Variants in ASB13 observed in about 807,000 individuals in gnomAD.
ASB13 encodes the protein ankyrin repeat and SOCS box protein 13.
A neutral mutation model predicts 28.8 loss-of-function variants in ASB13; 33 were observed. The observed-to-expected ratio is 1.15, with a 90% CI of 0.87 to 1.53. The LOEUF is 1.53. Ranked by LOEUF, ASB13 falls within the 40% of genes most tolerant of loss-of-function variation. The pLI, the probability that ASB13 is intolerant of heterozygous loss-of-function variation, is 0.00. For synonymous variants in ASB13, 182 were observed against 172.9 expected, an observed-to-expected ratio of 1.05 and a Z score of -0.41; for missense variants, 414 against 390.1, an observed-to-expected ratio of 1.06 and a Z score of -0.52.
chr10:5,648,904 AG>A, intron 4 of ASB13, 65 bp downstream of exon 4: 1 of 1,586,428 alleles, frequency 6.3e-7, no homozygotes, highest in Non-Finnish European at 8.6e-7. Context: ...ACACCCACGC[AG>A]GTAAACACCC....
chr10:5,652,796 C>G lies in ASB13; in HGVS notation c.231+67G>C. ...ATCCTCCCCTCTTTCCCAAGTTCTC[C>G]TGAGTCAACCTCCTCCATTCTGGCA... is the stretch of plus-strand genomic sequence containing the variant. On this transcript the variant is annotated intron_variant, in intron 2 of 5. Coordinates refer to ENST00000357700, the MANE Select transcript of ASB13 (RefSeq NM_024701.4). This position sits in a 1 kb window ranked among gnomAD's most constrained non-coding sequence, Gnocchi z 5.0. The G allele has an allele frequency of 7.0e-7, 1 of 1,438,160 alleles. No individual in the cohort carries two copies. The highest frequency in any genetic ancestry group is 9.2e-7 in the Non-Finnish European group (1 of 1,089,280). 89.1% of individuals were successfully genotyped at this position (1,438,160 alleles called of 1,614,324 possible).
rs920205695 is a variant in ASB13 at position 5,639,718 on chromosome 10, T to C, written c.*985A>G. On this transcript the variant is annotated 3_prime_UTR_variant, in exon 6 of 6. Transcript: ENST00000357700. ...AGCACTGGGACAATGCTGGATGTGA[T>C]AGATGGTCTTACTAATTTGATAGCT... The C allele has an allele frequency of 6.5e-3, 5 of 774 alleles. No individual in the cohort carries two copies. Among genetic ancestry groups the C allele is most frequent in the African/African-American group, 0.011 (4 of 380 alleles). 0.0% of individuals were successfully genotyped at this position (774 alleles called of 1,614,324 possible).
chr10:5,652,026 C>CCACACACACACACACACACA lies in ASB13; in HGVS notation c.232-683_232-664dup, dbSNP rs5782851. ...CAAAAAAAAAAAAAAAAAAAAAAAACCACACACACACACACACACACACAC... is the reference window on the plus strand; with the variant it reads ...CAAAAAAAAAAAAAAAAAAAAAAAACCACACACACACACACACACACACACACACACACACACACACACAC... On this transcript the variant is annotated intron_variant, in intron 2 of 5. Transcript: ENST00000357700. This position sits in a 1 kb window ranked among gnomAD's most constrained non-coding sequence, Gnocchi z 5.0. Among the ~76,000 whole-genome samples, 1 of 59,156 alleles carries CCACACACACACACACACACA rather than the reference C, an allele frequency of 1.7e-5. No individual in the cohort carries two copies. Among genetic ancestry groups the CCACACACACACACACACACA allele is most frequent in the African/African-American group, 7.2e-5 (1 of 13,968 alleles). The allele number at this position is 59,156 out of a possible 152,430, so 38.8% of individuals were successfully genotyped here. A position where few individuals can be genotyped will look rare whatever the true frequency, so the allele number is the denominator to read the frequency against.
Position 5,645,383 on chromosome 10 carries a change from G to C in ASB13, c.518-3422C>G, listed in dbSNP as rs146044364. 4.6e-5 allele frequency among the ~76,000 whole-genome samples: 7 copies of C among 152,142 alleles called. No individual in the cohort carries two copies. The highest frequency in any genetic ancestry group is 7.3e-5 in the Non-Finnish European group (5 of 68,036). On this transcript the variant is annotated intron_variant, in intron 4 of 5. Coordinates refer to ENST00000357700, the MANE Select transcript of ASB13 (RefSeq NM_024701.4). The surrounding 1 kb of genome is among the most constrained non-coding windows in gnomAD (Gnocchi z 5.4). Reference sequence around the variant, plus strand: ...GGACCGTCCTCAGGGAGCCGCTTCCGAACACTCCTGGCAGAGTTCAACATT... The same window carrying C: ...GGACCGTCCTCAGGGAGCCGCTTCCCAACACTCCTGGCAGAGTTCAACATT...
In ASB13 at chr10:5,650,136, C is replaced by A. The variant is rs527495642; in HGVS notation, c.383-1032G>T. On this transcript the variant is annotated intron_variant, in intron 3 of 5. Coordinates refer to ENST00000357700, the MANE Select transcript of ASB13 (RefSeq NM_024701.4). This position sits in a 1 kb window ranked among gnomAD's most constrained non-coding sequence, Gnocchi z 6.0. ...TGACCTCTTGAGCCTCCCCTTCATACGAAATCCTATGGATTCCTTCCCCAA... is the reference window on the plus strand; with the variant it reads ...TGACCTCTTGAGCCTCCCCTTCATAAGAAATCCTATGGATTCCTTCCCCAA... Among the ~76,000 whole-genome samples, 2 of 152,112 alleles carry A rather than the reference C, an allele frequency of 1.3e-5. No individual in the cohort carries two copies. The highest frequency in any genetic ancestry group is 2.1e-4 in the South Asian group (1 of 4,830).
rs186972904 is a variant in ASB13, at chr10:5,659,957, G to C, written c.43+6552C>G. On this transcript the variant is annotated intron_variant, in intron 1 of 5. Transcript: ENST00000357700. The surrounding 1 kb of genome is among the most constrained non-coding windows in gnomAD (Gnocchi z 5.8). Reference sequence around the variant, plus strand: ...GCTTGCACACTCTGGCCAAGCGGGGGCTCGTGCATCCATTAAATGAAGAAC... The same window carrying C: ...GCTTGCACACTCTGGCCAAGCGGGGCCTCGTGCATCCATTAAATGAAGAAC... Among the ~76,000 whole-genome samples, 269 of 152,308 alleles carry C rather than the reference G, an allele frequency of 1.8e-3. 1 individual carries two copies. Among genetic ancestry groups the C allele is most frequent in the African/African-American group, 6.1e-3 (255 of 41,556 alleles).
chr10:5,651,331 CGG>C lies in ASB13; in HGVS notation c.262_263del (p.Pro88AlafsTer50). On this transcript the variant is annotated frameshift_variant, in exon 3 of 6. Transcript: ENST00000357700. LOFTEE classifies it high-confidence loss of function. The surrounding 1 kb of genome is among the most constrained non-coding windows in gnomAD (Gnocchi z 5.1). Reference protein sequence around the residue: ...VDARNIDGSTPLCDACASGSI... With the variant: ...VDARNIDGSTXLCDACASGSI... ...TGCCCGAGGCGCAGGCATCGCAGAG[CGG>C]GGTGCTGCCGTCGATGTTGCGAGCA... 1 of 1,612,792 alleles carries C rather than the reference CGG, an allele frequency of 6.2e-7. No individual in the cohort carries two copies. The highest frequency in any genetic ancestry group is 8.5e-7 in the Non-Finnish European group (1 of 1,179,444).
At chr10:5,666,406 C>T (rs1218159905) in intron 1 of ASB13, 103 bp downstream of exon 1, 17 of 1,056,968 alleles carry the variant, frequency 1.6e-5, no homozygotes, top group Non-Finnish European at 3.6e-6. Flanking sequence ...GGAGCCAGCG[C>T]GGGGCGCGCC....
intron 4 of ASB13, among the ~76,000 whole-genome samples, chr10:5,648,507 T>C (rs61832718): frequency 0.094 from 9,251 of 98,916 alleles, 823 homozygotes; most frequent in Non-Finnish European, 0.12. Flanking sequence ...CCCACTCGGG[T>C]AAACACCCAC....
At chr10:5,665,529 C>T (rs534689156) in intron 1 of ASB13, among the ~76,000 whole-genome samples, 2 of 152,148 alleles carry the variant, frequency 1.3e-5, no homozygotes, top group South Asian at 4.1e-4. Flanking sequence ...AAGCTTCTGC[C>T]GTTAGCTATT....
chr10:5,641,861 G>C lies in ASB13; in HGVS notation c.618C>G (p.Gly206=), dbSNP rs1418896795. The C allele has an allele frequency of 6.2e-7, 1 of 1,614,082 alleles. No homozygotes were observed. The highest frequency in any genetic ancestry group is 8.5e-7 in the Non-Finnish European group (1 of 1,179,994). The part of the protein sequence containing the change: ...DLIEMLIEFG[G]NIYARDNRGK... ...CGCGGTTGTCCCGGGCGTAGATGTT[G>C]CCGCCAAACTCGATAAGCATCTCGA... Residue 206 remains glycine (G), a synonymous_variant, in exon 5 of 6, where the codon GGC becomes GGG. Coordinates refer to ENST00000357700, the MANE Select transcript of ASB13 (RefSeq NM_024701.4). This position sits in a 1 kb window ranked among gnomAD's most constrained non-coding sequence, Gnocchi z 8.4.
At position 5,658,800 on chromosome 10, in the gene ASB13, A is replaced by G. The variant is rs1178637747; in HGVS notation, c.44-5750T>C. Reference sequence around the variant, plus strand: ...AGAGCATGGGGGGACTGTCACCCGCAGGCTGTCCTCATAGGAGATTTACAG... The same window carrying G: ...AGAGCATGGGGGGACTGTCACCCGCGGGCTGTCCTCATAGGAGATTTACAG... On this transcript the variant is annotated intron_variant, in intron 1 of 5. Transcript: ENST00000357700. The surrounding 1 kb of genome is among the most constrained non-coding windows in gnomAD (Gnocchi z 4.2). 6.6e-6 allele frequency among the ~76,000 whole-genome samples: 1 copy of G among 152,226 alleles called. No homozygotes were observed. Among genetic ancestry groups the G allele is most frequent in the African/African-American group, 2.4e-5 (1 of 41,456 alleles).
Position 5,649,257 on chromosome 10 carries a change from C to A in ASB13, c.383-153G>T, listed in dbSNP as rs1483691982. Among the ~76,000 whole-genome samples the A allele has an allele frequency of 6.6e-6, 1 of 152,190 alleles. No individual in the cohort carries two copies. The highest frequency in any genetic ancestry group is 2.4e-5 in the African/African-American group (1 of 41,446). ...TCCCAACCTAGGGAGGAGTTCATGA[C>A]CCGCATGGCCCTCAGGAAGCCAGGA... On this transcript the variant is annotated intron_variant, in intron 3 of 5. Transcript: ENST00000357700. This position sits in a 1 kb window ranked among gnomAD's most constrained non-coding sequence, Gnocchi z 6.4.
intron 1 of ASB13, among the ~76,000 whole-genome samples, chr10:5,654,907 G>GAGGTCA (rs1422622238): frequency 6.6e-6 from 1 of 152,068 alleles, no homozygotes; most frequent in Non-Finnish European, 1.5e-5. Flanking sequence ...AACCAGCCTG[G>GAGGTCA]CCAACATGGT....
chr10:5,651,405 C>A lies in ASB13; in HGVS notation c.232-42G>T. On this transcript the variant is annotated intron_variant, in intron 2 of 5. Transcript: ENST00000357700. This position sits in a 1 kb window ranked among gnomAD's most constrained non-coding sequence, Gnocchi z 5.1. ...ACAAGTGTCAAAGGGCAGAGAAATG[C>A]CACGCAACCCACTTTCCCATCCTGC... 6.6e-7 allele frequency: 1 copy of A among 1,518,520 alleles called. No homozygotes were observed. Among genetic ancestry groups the A allele is most frequent in the African/African-American group, 1.4e-5 (1 of 72,820 alleles). 94.1% of individuals were successfully genotyped at this position (1,518,520 alleles called of 1,614,324 possible).
rs551244575 is a variant in ASB13 at position 5,643,401 on chromosome 10, C to T, written c.518-1440G>A. Among the ~76,000 whole-genome samples, 6 of 152,290 alleles carry T rather than the reference C, an allele frequency of 3.9e-5. No individual in the cohort carries two copies. In the East Asian group the frequency reaches 9.6e-4, roughly 24 times the overall value. ...TAAGAACCATGCTCATAACAGCATT[C>T]GTGGAGGGATCCTAAGAACGCCCCA... is the stretch of plus-strand genomic sequence containing the variant. On this transcript the variant is annotated intron_variant, in intron 4 of 5. Coordinates refer to ENST00000357700, the MANE Select transcript of ASB13 (RefSeq NM_024701.4).
rs540897292 is a variant in ASB13, at chr10:5,660,280, C to T, written c.43+6229G>A. The stretch of plus-strand genomic sequence containing the variant: ...AACGTTCTCTCCACTCTTCCACCCA[C>T]GATACGACCTTACTGGCTAGGACCG... On this transcript the variant is annotated intron_variant, in intron 1 of 5. Transcript: ENST00000357700. This position sits in a 1 kb window ranked among gnomAD's most constrained non-coding sequence, Gnocchi z 6.1. Among the ~76,000 whole-genome samples, 68 of 152,350 alleles carry T rather than the reference C, an allele frequency of 4.5e-4. No individual in the cohort carries two copies. The highest frequency in any genetic ancestry group is 9.8e-4 in the Admixed American group (15 of 15,308).
At position 5,652,744 on chromosome 10, in the gene ASB13, G is replaced by A; in HGVS notation, c.231+119C>T. 9.6e-7 allele frequency: 1 copy of A among 1,040,434 alleles called. No homozygotes were observed. The highest frequency in any genetic ancestry group is 1.3e-6 in the Non-Finnish European group (1 of 767,058). 64.5% of individuals were successfully genotyped at this position (1,040,434 alleles called of 1,614,324 possible). The stretch of plus-strand genomic sequence containing the variant: ...CTCAGCCATGGGCTTCCTGGTACCT[G>A]TGTGCAGTGGACACAGTGCAGCCCC... On this transcript the variant is annotated intron_variant, in intron 2 of 5. Coordinates refer to ENST00000357700, the MANE Select transcript of ASB13 (RefSeq NM_024701.4). The surrounding 1 kb of genome is among the most constrained non-coding windows in gnomAD (Gnocchi z 5.0).
rs55673416 is a variant in ASB13 at position 5,652,021 on chromosome 10, AAAAAC to A, written c.232-663_232-659del. ...TATCTCAAAAAAAAAAAAAAAAAAAAAAAACCACACACACACACACACACACACAC... is the reference window on the plus strand; with the variant it reads ...TATCTCAAAAAAAAAAAAAAAAAAAACACACACACACACACACACACACAC... On this transcript the variant is annotated intron_variant, in intron 2 of 5. Coordinates refer to ENST00000357700, the MANE Select transcript of ASB13 (RefSeq NM_024701.4). This position sits in a 1 kb window ranked among gnomAD's most constrained non-coding sequence, Gnocchi z 5.0. Among the ~76,000 whole-genome samples, 2 of 47,816 alleles carry A rather than the reference AAAAAC, an allele frequency of 4.2e-5. No individual in the cohort carries two copies. The highest frequency in any genetic ancestry group is 7.7e-5 in the African/African-American group (1 of 13,036). 31.4% of individuals were successfully genotyped at this position (47,816 alleles called of 152,430 possible). A position where few individuals can be genotyped will look rare whatever the true frequency, so the allele number is the denominator to read the frequency against.
Sources: allele counts gnomAD v4.1 joint callset (sites outside exome capture counted in the v4.1 genomes callset), GRCh38; gene constraint gnomAD v4.1.1; non-coding constraint Gnocchi (gnomAD v3.1); transcripts MANE v1.5; gene names NCBI Gene and HGNC (gene_info 2026-07-23, HGNC 2026-07-21).